Variants in ZNF518B observed in about 807,000 individuals in gnomAD.
ZNF518B encodes the protein zinc finger protein 518B.
Under a neutral mutation model 56.3 loss-of-function variants are expected in ZNF518B, and 23 were observed. The ratio of observed to expected loss-of-function variants is 0.41; its 90% confidence interval spans 0.29 to 0.58. ZNF518B has a LOEUF of 0.58. ZNF518B is among the 20% of genes least tolerant of loss of function. The pLI is 0.32. For synonymous variants in ZNF518B, 529 were observed against 465.9 expected (o/e 1.14, Z -1.74); for missense variants, 1,460 against 1,272.1 (o/e 1.15, Z -2.25).
intron 1 of ZNF518B, 72 bp from the exon 2 acceptor site, chr4:10,455,060 A>G (rs917134078): frequency 6.6e-6 from 1 of 152,252 alleles, no homozygotes; most frequent in Non-Finnish European, 1.5e-5. Context: ...AGTGTTGAAG[A>G]TAAGGGGAAT....
chr4:10,458,491 C>T (rs886284614), upstream of ZNF518B, among the ~76,000 whole-genome samples: 11 of 152,172 alleles, frequency 7.2e-5, no homozygotes, highest in Non-Finnish European at 1.3e-4. Context: ...AAGACAGGCT[C>T]AGCCACAAGT....
chr4:10,446,046 G>A lies in ZNF518B; in HGVS notation c.283C>T (p.Pro95Ser). 2 of 1,614,002 alleles carry A rather than the reference G, an allele frequency of 1.2e-6. No individual in the cohort carries two copies. Among genetic ancestry groups the A allele is most frequent in the East Asian group, 2.2e-5 (1 of 44,886 alleles). Residue 95 changes from proline (P) to serine (S), a missense_variant, in exon 3 of 3, where the codon CCT becomes TCT. By Grantham distance (74) the Pro-to-Ser change is moderately conservative. Coordinates refer to ENST00000326756, the MANE Select transcript of ZNF518B (RefSeq NM_053042.3). ...VCFQCSLGAA[P>S]PNFHFVSNNS... ...TTGCTCACAAAATGAAAATTGGGAG[G>A]AGCTGCACCGAGGCTGCACTGGAAG...
chr4:10,444,675 C>T lies in ZNF518B; in HGVS notation c.1654G>A (p.Asp552Asn), dbSNP rs745962353. ...TTGACTTTACTTGTAGATTCCAAGT[C>T]ATTTTCACTTACAGGCAATAAGCCC... ...EKGLLPVSENDLESTSKVNIP... is the reference protein window; with the variant it reads ...EKGLLPVSENNLESTSKVNIP... Residue 552 changes from aspartate (D) to asparagine (N), a missense_variant, in exon 3 of 3, where the codon GAC (aspartate) becomes AAC (asparagine). By Grantham distance (23) the Asp-to-Asn change is conservative. Coordinates refer to ENST00000326756, the MANE Select transcript of ZNF518B (RefSeq NM_053042.3). The T allele has an allele frequency of 1.8e-5, 29 of 1,614,066 alleles. No homozygotes were observed. The highest frequency in any genetic ancestry group is 8.3e-5 in the Admixed American group (5 of 60,006).
Position 10,446,491 on chromosome 4 carries a change from A to G in ZNF518B, c.-163T>C. ...CTTTATATACTGCCGCAGTAGGTGC[A>G]TGATCCCAAAATATGACTGCTTTCA... On this transcript the variant is annotated 5_prime_UTR_variant, in exon 3 of 3. The change abolishes an upstream ATG in the 5' untranslated region. Transcript: ENST00000326756. The G allele has an allele frequency of 1.6e-6, 1 of 623,462 alleles. No individual in the cohort carries two copies. The highest frequency in any genetic ancestry group is 2.8e-6 in the Non-Finnish European group (1 of 361,168). 38.6% of individuals were successfully genotyped at this position (623,462 alleles called of 1,614,324 possible).
rs925377276 is a variant in ZNF518B, at chr4:10,443,964, T to G, written c.2365A>C (p.Ile789Leu). ...RVLNSSENAH[I>L]IEATCEAPVS... ...GGTGCTTCACATGTAGCCTCTATGA[T>G]GTGGGCATTCTCAGAGGAATTAAGA... Residue 789 changes from isoleucine (I) to leucine (L), a missense_variant, in exon 3 of 3, where the codon ATC (isoleucine) becomes CTC (leucine). Physicochemically the swap from Ile to Leu is conservative, Grantham distance 5. Coordinates refer to ENST00000326756, the MANE Select transcript of ZNF518B (RefSeq NM_053042.3). The G allele has an allele frequency of 4.3e-6, 7 of 1,614,210 alleles. No individual in the cohort carries two copies. The highest frequency in any genetic ancestry group is 5.1e-6 in the Non-Finnish European group (6 of 1,180,016).
upstream of ZNF518B, among the ~76,000 whole-genome samples, chr4:10,461,248 G>GA (rs1715732861): frequency 6.6e-6 from 1 of 152,238 alleles, no homozygotes; most frequent in African/African-American, 2.4e-5. Flanking sequence ...CTAAGGCAGG[G>GA]ACCACGTCCC....
In ZNF518B at chr4:10,445,056, C is replaced by A. The variant is rs375331255; in HGVS notation, c.1273G>T (p.Val425Phe). 1 of 1,614,108 alleles carries A rather than the reference C, an allele frequency of 6.2e-7. No homozygotes were observed. The highest frequency in any genetic ancestry group is 8.5e-7 in the Non-Finnish European group (1 of 1,180,056). Residue 425 changes from valine to phenylalanine, a missense_variant, in exon 3 of 3, where the codon GTT becomes TTT. Val to Phe is a conservative substitution (Grantham distance 50). Transcript: ENST00000326756. ...LVGIDSFQPS[V>F]QKQLKNVKWV... ...TTCACATTTTTAAGCTGTTTCTGAA[C>A]TGAAGGTTGAAAACTATCAATGCCT...
chr4:10,448,818 C>T (rs966305714), intron 2 of ZNF518B, among the ~76,000 whole-genome samples: 1 of 152,116 alleles, frequency 6.6e-6, no homozygotes, highest in East Asian at 1.9e-4. Flanking sequence ...AGAGACAACA[C>T]AACTTTCAGA....
upstream of ZNF518B, among the ~76,000 whole-genome samples, chr4:10,459,062 A>G (rs1211729853): frequency 6.6e-6 from 1 of 152,212 alleles, no homozygotes; most frequent in Non-Finnish European, 1.5e-5. Flanking sequence ...TCGGCCACAT[A>G]GAAGTTGTGA....
Position 10,444,935 on chromosome 4 carries a change from T to C in ZNF518B, c.1394A>G (p.Lys465Arg). The C allele has an allele frequency of 1.2e-6, 2 of 1,611,150 alleles. No individual in the cohort carries two copies. The highest frequency in any genetic ancestry group is 1.7e-6 in the Non-Finnish European group (2 of 1,179,140). Residue 465 changes from lysine to arginine, a missense_variant, in exon 3 of 3, where the codon AAA becomes AGA. Lys to Arg is a conservative substitution (Grantham distance 26, BLOSUM62 2). Coordinates refer to ENST00000326756, the MANE Select transcript of ZNF518B (RefSeq NM_053042.3). ...TCTATGTGGATACAAATTATTTTTT[T>C]TCTGAAAATCCTCAATTGTTTCCGA... The part of the protein sequence containing the change: ...INSETIEDFQ[K>R]KNNLYPHRTA...
Position 10,454,860 on chromosome 4 carries a change from T to C in ZNF518B, c.-267A>G, listed in dbSNP as rs759454808. 1.3e-5 allele frequency: 2 copies of C among 152,282 alleles called. No individual in the cohort carries two copies. Among genetic ancestry groups the C allele is most frequent in the Non-Finnish European group, 2.9e-5 (2 of 68,088 alleles). 9.4% of individuals were successfully genotyped at this position (152,282 alleles called of 1,614,324 possible). A position where few individuals can be genotyped will look rare whatever the true frequency, so the allele number is the denominator to read the frequency against. On this transcript the variant is annotated 5_prime_UTR_variant, in exon 2 of 3. The change abolishes an upstream ATG in the 5' untranslated region. Transcript: ENST00000326756. ...TAAGTCAAAACCGTGGCAAGTCCCATGGGCTCTTCCTTCTCTTTCAGGCCT... is the reference window on the plus strand; with the variant it reads ...TAAGTCAAAACCGTGGCAAGTCCCACGGGCTCTTCCTTCTCTTTCAGGCCT...
At chr4:10,452,571 C>T (rs1325159626) in intron 2 of ZNF518B, 4 of 152,166 alleles carry the variant, frequency 2.6e-5, no homozygotes, top group African/African-American at 9.7e-5. Flanking sequence ...ACTGTTGCCT[C>T]AGAAACAGCT....
chr4:10,461,060 C>G (rs1027940736), upstream of ZNF518B, among the ~76,000 whole-genome samples: 2 of 152,240 alleles, frequency 1.3e-5, no homozygotes, highest in African/African-American at 4.8e-5. Context: ...TACCTCGCCT[C>G]ACAGTCCTGG....
intron 2 of ZNF518B, among the ~76,000 whole-genome samples, chr4:10,447,647 C>CT (rs10675116): frequency 0.24 from 29,677 of 121,324 alleles, 4,464 homozygotes; most frequent in Admixed American, 0.36. Context: ...ACAGAGTGAC[C>CT]TTTTTTTTTT....
At chr4:10,460,212 C>T (rs183180441), upstream of ZNF518B, among the ~76,000 whole-genome samples, 236 of 142,842 alleles carry the variant, frequency 1.7e-3, 1 homozygote, top group African/African-American at 5.9e-3. Flanking sequence ...GGCTGAGGCA[C>T]GAGAATTGCT....
In ZNF518B at chr4:10,439,950, A is replaced by G. The variant is rs1030134337; in HGVS notation, c.*3154T>C. ...TGCCAACTCCTGTATCTATATACAAACATGTTTCAAAACCAGAGCAGCAGA... is the reference window on the plus strand; with the variant it reads ...TGCCAACTCCTGTATCTATATACAAGCATGTTTCAAAACCAGAGCAGCAGA... On this transcript the variant is annotated 3_prime_UTR_variant, in exon 3 of 3. Coordinates refer to ENST00000326756, the MANE Select transcript of ZNF518B (RefSeq NM_053042.3). The G allele has an allele frequency of 1.3e-5, 2 of 152,684 alleles. No individual in the cohort carries two copies. The highest frequency in any genetic ancestry group is 4.8e-5 in the African/African-American group (2 of 41,472). The allele number at this position is 152,684 out of a possible 1,614,324, so 9.5% of individuals were successfully genotyped here.
chr4:10,450,860 C>T (rs189763632), intron 2 of ZNF518B: 5 of 152,206 alleles, frequency 3.3e-5, no homozygotes, highest in Admixed American at 1.3e-4. Flanking sequence ...GGAAAGGTCT[C>T]GAAAACACAG....
At chr4:10,459,215 C>T (rs1715667637), upstream of ZNF518B, among the ~76,000 whole-genome samples, 2 of 152,222 alleles carry the variant, frequency 1.3e-5, no homozygotes, top group Non-Finnish European at 1.5e-5. Flanking sequence ...TTAACTTACT[C>T]TTCAGTAGCC....
Position 10,444,931 on chromosome 4 carries a change from T to A in ZNF518B, c.1398A>T (p.Lys466Asn), listed in dbSNP as rs1714918138. ...NSETIEDFQK[K>N]NNLYPHRTAF... Reference sequence around the variant, plus strand: ...CAGTTCTATGTGGATACAAATTATTTTTTTTCTGAAAATCCTCAATTGTTT... The same window carrying A: ...CAGTTCTATGTGGATACAAATTATTATTTTTCTGAAAATCCTCAATTGTTT... The change falls in exon 3 of 3, where the codon AAA becomes AAT. Residue 466 changes from lysine (K) to asparagine (N), a missense_variant. By Grantham distance (94) the Lys-to-Asn change is moderately conservative. Coordinates refer to ENST00000326756, the MANE Select transcript of ZNF518B (RefSeq NM_053042.3). 1 of 1,611,048 alleles carries A rather than the reference T, an allele frequency of 6.2e-7. No homozygotes were observed. Among genetic ancestry groups the A allele is most frequent in the Non-Finnish European group, 8.5e-7 (1 of 1,179,142 alleles).
Sources: gnomAD v4.1 joint callset for allele counts (sites outside exome capture counted in the v4.1 genomes callset) on GRCh38, gnomAD v4.1.1 for gene constraint, MANE v1.5 for transcripts, NCBI Gene and HGNC (gene_info 2026-07-23, HGNC 2026-07-21) for gene names.